PCSK2: variants seen among roughly 807,000 people sequenced by gnomAD.
PCSK2 encodes the protein proprotein convertase subtilisin/kexin type 2.
In PCSK2, 14 loss-of-function variants were observed where a neutral mutation model predicts 69.7. The ratio of observed to expected loss-of-function variants is 0.20; its 90% CI spans 0.13 to 0.31. The LOEUF (loss-of-function observed/expected upper bound fraction) is 0.31, where lower values mean the gene tolerates loss of function less well. Ranked by LOEUF, PCSK2 falls within the 10% of genes least tolerant of loss-of-function variation. PCSK2 has a pLI of 1.00. For synonymous variants in PCSK2, 307 were observed against 320.7 expected (o/e 0.96, Z 0.46); for missense variants, 544 against 842.5 (o/e 0.65, Z 4.39).
At chr20:17,300,045 T>C (rs533955561) in intron 2 of PCSK2, among the ~76,000 whole-genome samples, 2 of 152,336 alleles carry the variant, frequency 1.3e-5, no homozygotes, top group African/African-American at 4.8e-5. Flanking sequence ...GTCCACATAC[T>C]TCAGGCCCAG....
chr20:17,236,393 T>C (rs1986339631), intron 1 of PCSK2, among the ~76,000 whole-genome samples: 1 of 152,146 alleles, frequency 6.6e-6, no homozygotes. Context: ...GGTAGATAGG[T>C]TACATATATT....
chr20:17,480,832 T>C (rs1457014578), intron 11 of PCSK2, among the ~76,000 whole-genome samples: 1 of 152,190 alleles, frequency 6.6e-6, no homozygotes, highest in African/African-American at 2.4e-5. Flanking sequence ...TGTCAGTCAC[T>C]GGGAGAGAGC....
chr20:17,243,577 C>T (rs940230579), intron 1 of PCSK2, among the ~76,000 whole-genome samples: 46 of 152,268 alleles, frequency 3.0e-4, no homozygotes, highest in African/African-American at 1.1e-3. Flanking sequence ...CTTGGATGCT[C>T]AGAAACATGT....
chr20:17,227,328 A>G lies in PCSK2; in HGVS notation c.23A>G (p.Gln8Arg). 1 of 1,613,824 alleles carries G rather than the reference A, an allele frequency of 6.2e-7. No individual in the cohort carries two copies. The highest frequency in any genetic ancestry group is 8.5e-7 in the Non-Finnish European group (1 of 1,179,950). The change falls in exon 1 of 12, where the codon CAG becomes CGG. Residue 8 changes from glutamine (Q) to arginine (R), a missense_variant. By Grantham distance (43) the Gln-to-Arg change is conservative (BLOSUM62 1). Transcript: ENST00000262545. MKGGCVS[Q>R]WKAAAGFLFC... ...AGGATGAAGGGTGGTTGTGTCTCCC[A>G]GTGGAAGGCGGCCGCCGGGTTCCTC...
upstream of PCSK2, chr20:17,226,842 CGGCCGGGCCG>C (rs1000442060): frequency 2.9e-5 from 3 of 104,372 alleles, no homozygotes; most frequent in African/African-American, 7.3e-5. Context: ...AAGGCGGAGG[CGGCCGGGCCG>C]GGCCGGGCCG....
chr20:17,440,035 C>T (rs182776242), intron 8 of PCSK2, among the ~76,000 whole-genome samples: 1 of 152,344 alleles, frequency 6.6e-6, no homozygotes, highest in East Asian at 1.9e-4. Flanking sequence ...TGCACAGCAG[C>T]AGGTCCGTCC....
At chr20:17,319,503 G>C (rs528296967) in intron 2 of PCSK2, among the ~76,000 whole-genome samples, 1 of 152,328 alleles carries the variant, frequency 6.6e-6, no homozygotes, top group South Asian at 2.1e-4. Context: ...GCCCAAGATT[G>C]TTCACATGCT....
chr20:17,322,963 A>G (rs1198131306), intron 2 of PCSK2, among the ~76,000 whole-genome samples: 1 of 152,128 alleles, frequency 6.6e-6, no homozygotes, highest in Non-Finnish European at 1.5e-5. Flanking sequence ...TCCTGGGTTC[A>G]AGTGATTCTC....
intron 2 of PCSK2, among the ~76,000 whole-genome samples, chr20:17,268,062 T>TATATATATATATATATATATAA (rs1403191827): frequency 6.8e-6 from 1 of 146,684 alleles, no homozygotes; most frequent in Non-Finnish European, 1.5e-5. Context: ...TATATATATA[T>TATATATATATATATATATATAA]AATGCATTTA....
chr20:17,425,916 T>C (rs1426288342), intron 6 of PCSK2, among the ~76,000 whole-genome samples: 1 of 152,324 alleles, frequency 6.6e-6, no homozygotes, highest in Admixed American at 6.5e-5. Flanking sequence ...CTCAGTCACA[T>C]GGCCACATAC....
chr20:17,329,544 A>G (rs1393217075), intron 2 of PCSK2, among the ~76,000 whole-genome samples: 2 of 152,228 alleles, frequency 1.3e-5, no homozygotes, highest in South Asian at 2.1e-4. Context: ...AAACTGAAAG[A>G]CTTATTACAC....
At chr20:17,229,476 G>T (rs1986067155) in intron 1 of PCSK2, among the ~76,000 whole-genome samples, 1 of 150,194 alleles carries the variant, frequency 6.7e-6, no homozygotes, top group Non-Finnish European at 1.5e-5. Context: ...GAAAACCATT[G>T]TTCTCAGTGG....
intron 2 of PCSK2, among the ~76,000 whole-genome samples, chr20:17,328,585 T>A (rs1990127870): frequency 6.6e-6 from 1 of 152,134 alleles, no homozygotes; most frequent in South Asian, 2.1e-4. Context: ...ACAGTTTTAC[T>A]GATACACTGT....
intron 11 of PCSK2, among the ~76,000 whole-genome samples, chr20:17,474,130 G>A (rs2033251191): frequency 6.6e-6 from 1 of 152,092 alleles, no homozygotes; most frequent in African/African-American, 2.4e-5. Flanking sequence ...TCTTGTTCAG[G>A]TCCCCTTCAC....
chr20:17,251,805 C>T (rs1485673155), intron 1 of PCSK2, among the ~76,000 whole-genome samples: 2 of 152,058 alleles, frequency 1.3e-5, no homozygotes, highest in African/African-American at 4.8e-5. Context: ...CTGTGGTCCA[C>T]GATGTGTGGA....
chr20:17,396,530 C>A (rs918119504), intron 5 of PCSK2, among the ~76,000 whole-genome samples: 8 of 152,218 alleles, frequency 5.3e-5, no homozygotes, highest in African/African-American at 1.9e-4. Flanking sequence ...TCCACATCAT[C>A]CTCTCATGAC....
intron 2 of PCSK2, among the ~76,000 whole-genome samples, chr20:17,320,328 C>T (rs1193060178): frequency 2.0e-5 from 3 of 152,186 alleles, no homozygotes; most frequent in Non-Finnish European, 4.4e-5. Context: ...TAGGGAGACT[C>T]GTTCCCTTGG....
At chr20:17,445,145 G>A (rs376031050) in intron 8 of PCSK2, among the ~76,000 whole-genome samples, 7 of 152,192 alleles carry the variant, frequency 4.6e-5, no homozygotes, top group African/African-American at 1.4e-4. Context: ...TTCAGGAAAA[G>A]GATGTAGCCC....
intron 1 of PCSK2, 46 bp downstream of exon 1, chr20:17,227,528 C>G (rs1314449027): frequency 4.1e-6 from 6 of 1,461,256 alleles, no homozygotes; most frequent in Admixed American, 1.8e-5. Flanking sequence ...AACGGGGGGA[C>G]GGGGGGGCAG....
Sources: gnomAD v4.1 joint callset for allele counts (sites outside exome capture counted in the v4.1 genomes callset) on GRCh38, gnomAD v4.1.1 for gene constraint, MANE v1.5 for transcripts, NCBI Gene and HGNC (gene_info 2026-07-23, HGNC 2026-07-21) for gene names.